Variants in VPS53 observed in about 807,000 individuals in gnomAD.
VPS53 encodes the protein vacuolar protein sorting-associated protein 53 homolog.
In VPS53, 70 loss-of-function variants were observed where a neutral mutation model predicts 107.0. That is an observed-to-expected ratio of 0.65 (90% CI 0.54 to 0.80). The LOEUF is 0.80. VPS53 is among the 30% of genes least tolerant of loss of function. The pLI is 0.00. For missense variants in VPS53, 917 were observed against 1,049.4 expected (o/e 0.87, Z 1.74); for synonymous variants, 409 against 393.3 (o/e 1.04, Z -0.47).
intron 11 of VPS53, among the ~76,000 whole-genome samples, chr17:609,224 G>A (rs1175775490): frequency 2.0e-5 from 3 of 152,014 alleles, no homozygotes; most frequent in Non-Finnish European, 4.4e-5. Context: ...CCTCTTTTGG[G>A]TATTTCCTAT....
At position 518,834 on chromosome 17, in the gene VPS53, T is replaced by G; in HGVS notation, c.*294A>C. The G allele has an allele frequency of 4.3e-6, 1 of 234,928 alleles. No homozygotes were observed. Among genetic ancestry groups the G allele is most frequent in the Admixed American group, 5.9e-5 (1 of 17,090 alleles). 14.6% of individuals were successfully genotyped at this position (234,928 alleles called of 1,614,324 possible). A position where few individuals can be genotyped will look rare whatever the true frequency, so the allele number is the denominator to read the frequency against. ...ACGTGTCAAGAGGGTGTGACTGCCA[T>G]GGGGAGGCTACATGAGTCAAGGGCA... On this transcript the variant is annotated 3_prime_UTR_variant, in exon 22 of 22. Coordinates refer to ENST00000437048, the MANE Select transcript of VPS53 (RefSeq NM_001128159.3).
Position 518,384 on chromosome 17 carries a change from A to AT in VPS53, c.*743dup, listed in dbSNP as rs745361035. 4 of 152,226 alleles carry AT rather than the reference A, an allele frequency of 2.6e-5. No homozygotes were observed. Among genetic ancestry groups the AT allele is most frequent in the Non-Finnish European group, 5.9e-5 (4 of 68,080 alleles). The allele number at this position is 152,226 out of a possible 1,614,324, so 9.4% of individuals were successfully genotyped here. On this transcript the variant is annotated 3_prime_UTR_variant, in exon 22 of 22. Transcript: ENST00000437048. ...CATCCAGAACCCCAGACTCCTTCTC[A>AT]TAACACAGGAACACATCACTGGGAT... is the stretch of plus-strand genomic sequence containing the variant.
intron 17 of VPS53, among the ~76,000 whole-genome samples, chr17:545,453 G>A (rs1199465625): frequency 1.3e-5 from 2 of 152,188 alleles, no homozygotes; most frequent in African/African-American, 4.8e-5. Flanking sequence ...AACAGCACCA[G>A]CTATGGACCT....
intron 18 of VPS53, among the ~76,000 whole-genome samples, chr17:534,299 G>A (rs1909848959): frequency 6.6e-6 from 1 of 152,216 alleles, no homozygotes; most frequent in Non-Finnish European, 1.5e-5. Flanking sequence ...GAAGTTGCTT[G>A]TGGTTCAACT....
intron 4 of VPS53, among the ~76,000 whole-genome samples, chr17:690,351 G>A (rs760838911): frequency 1.3e-5 from 2 of 152,338 alleles, no homozygotes; most frequent in Middle Eastern, 3.4e-3. Context: ...CTGGCCCACA[G>A]ATGTGTTTTG....
At chr17:555,909 G>A (rs947942256) in intron 15 of VPS53, among the ~76,000 whole-genome samples, 2 of 152,116 alleles carry the variant, frequency 1.3e-5, no homozygotes, top group Non-Finnish European at 2.9e-5. Context: ...AAAATCTACA[G>A]GGCAAACAAC....
chr17:549,978 G>A (rs1053433894), intron 17 of VPS53, among the ~76,000 whole-genome samples: 1 of 152,170 alleles, frequency 6.6e-6, no homozygotes, highest in African/African-American at 2.4e-5. Flanking sequence ...ACAATCTACT[G>A]CAAAACCAAA....
Position 521,670 on chromosome 17 carries a change from C to T in VPS53, c.2154G>A (p.Val718=). Residue 718 remains valine (V), a synonymous_variant, in exon 20 of 22, where the codon GTG becomes GTA. Coordinates refer to ENST00000437048, the MANE Select transcript of VPS53 (RefSeq NM_001128159.3). ...LDLPSISSQV[V]RKAPASYTKI... Reference sequence around the variant, plus strand: ...TGGTGTAGCTGGCGGGTGCCTTCCTCACCACCTGCGAGCTGATGGAGGGGA... The same window carrying T: ...TGGTGTAGCTGGCGGGTGCCTTCCTTACCACCTGCGAGCTGATGGAGGGGA... The T allele has an allele frequency of 6.4e-7, 1 of 1,550,994 alleles. No homozygotes were observed. The highest frequency in any genetic ancestry group is 8.7e-7 in the Non-Finnish European group (1 of 1,146,522).
chr17:526,986 C>T (rs1374563485), intron 19 of VPS53, among the ~76,000 whole-genome samples: 2 of 152,250 alleles, frequency 1.3e-5, no homozygotes, highest in East Asian at 3.8e-4. Context: ...ACAGGGGAGA[C>T]AGCTCAGGCT....
chr17:517,422 A>G lies in VPS53; in HGVS notation c.*1706T>C. ...CAGAGCAGTGGTTATGTTGGGAAAC[A>G]AGGTGGGGATGAGGAAATCAGGTTT... On this transcript the variant is annotated 3_prime_UTR_variant, in exon 22 of 22. Transcript: ENST00000437048. 1.5e-5 allele frequency: 6 copies of G among 399,228 alleles called. 1 individual carries two copies. The highest frequency in any genetic ancestry group is 1.3e-4 in the Admixed American group (3 of 22,738). The allele number at this position is 399,228 out of a possible 1,614,324, so 24.7% of individuals were successfully genotyped here.
chr17:673,144 A>G (rs1972032849), intron 4 of VPS53, among the ~76,000 whole-genome samples: 1 of 151,708 alleles, frequency 6.6e-6, no homozygotes, highest in African/African-American at 2.4e-5. Context: ...CAAAAAAAAA[A>G]CAACGGCAGC....
intron 19 of VPS53, among the ~76,000 whole-genome samples, chr17:529,390 ACACACACT>A (rs1909353579): frequency 1.0e-5 from 1 of 100,256 alleles, no homozygotes; most frequent in Non-Finnish European, 1.9e-5. Context: ...CAATTCACAC[ACACACACT>A]CACACACACA....
chr17:666,443 GA>G (rs1376926374), intron 4 of VPS53, among the ~76,000 whole-genome samples: 1 of 152,172 alleles, frequency 6.6e-6, no homozygotes, highest in Non-Finnish European at 1.5e-5. Context: ...GCGGGTGGAT[GA>G]CCTGAGGTCA....
At chr17:627,145 C>T (rs1177549105) in intron 10 of VPS53, 29 bp downstream of exon 10, 1 of 1,599,818 alleles carries the variant, frequency 6.3e-7, no homozygotes, top group Admixed American at 1.7e-5. Flanking sequence ...TTTGATTAAC[C>T]ACAGAACCAG....
At chr17:672,198 T>C (rs1971990744) in intron 4 of VPS53, among the ~76,000 whole-genome samples, 1 of 151,448 alleles carries the variant, frequency 6.6e-6, no homozygotes, top group African/African-American at 2.4e-5. Flanking sequence ...TCTCTCTCTC[T>C]CTCTCTCTCT....
Position 518,354 on chromosome 17 carries a change from T to G in VPS53, c.*774A>C, listed in dbSNP as rs1870396421. The G allele has an allele frequency of 6.6e-6, 1 of 152,220 alleles. No homozygotes were observed. Among genetic ancestry groups the G allele is most frequent in the African/African-American group, 2.4e-5 (1 of 41,454 alleles). 9.4% of individuals were successfully genotyped at this position (152,220 alleles called of 1,614,324 possible). A position where few individuals can be genotyped will look rare whatever the true frequency, so the allele number is the denominator to read the frequency against. ...GTCTTTAAGGTCCATATTCTGTTCC[T>G]GAGGCATCCAGAACCCCAGACTCCT... On this transcript the variant is annotated 3_prime_UTR_variant, in exon 22 of 22. Transcript: ENST00000437048.
chr17:586,167 C>G, intron 13 of VPS53, 103 bp downstream of exon 13: 1 of 1,032,326 alleles, frequency 9.7e-7, no homozygotes, highest in East Asian at 2.5e-5. Flanking sequence ...AGGCATGCCA[C>G]AACCATCTTT....
At chr17:675,248 A>T (rs1288285185) in intron 4 of VPS53, 3 of 152,186 alleles carry the variant, frequency 2.0e-5, no homozygotes, top group African/African-American at 7.2e-5. Flanking sequence ...TCTTCAATGA[A>T]AAAAAAGTTT....
At chr17:626,384 C>A (rs775388721) in intron 10 of VPS53, among the ~76,000 whole-genome samples, 4 of 152,066 alleles carry the variant, frequency 2.6e-5, no homozygotes, top group African/African-American at 9.7e-5. Flanking sequence ...AAAGCTCAGA[C>A]GCAGGCCAGG....
Sources: gnomAD v4.1 joint callset for allele counts (sites outside exome capture counted in the v4.1 genomes callset) on GRCh38, gnomAD v4.1.1 for gene constraint, MANE v1.5 for transcripts, NCBI Gene and HGNC (gene_info 2026-07-23, HGNC 2026-07-21) for gene names.